LARP1B: variants seen among roughly 807,000 people sequenced by gnomAD.
LARP1B encodes la-related protein 1B.
A neutral mutation model predicts 114.2 loss-of-function variants in LARP1B; 76 were observed. The ratio of observed to expected loss-of-function variants is 0.67; its 90% CI spans 0.55 to 0.81. LARP1B has a LOEUF of 0.81. Ranked by LOEUF, LARP1B falls within the 30% of genes least tolerant of loss-of-function variation. The probability of loss-of-function intolerance (pLI) is 0.00; values close to 1 mark genes in which losing one functional copy is unlikely to be tolerated. For synonymous variants in LARP1B, 345 were observed against 348.0 expected (o/e 0.99, Z 0.10); for missense variants, 1,014 against 1,075.8 (o/e 0.94, Z 0.80).
chr4:128,157,940 T>G (rs190224895), intron 11 of LARP1B, among the ~76,000 whole-genome samples: 2 of 151,964 alleles, frequency 1.3e-5, no homozygotes, highest in Admixed American at 1.3e-4. Context: ...CAGGAAGAAA[T>G]GAAGAGCAAT....
chr4:128,090,363 G>A (rs898302331), intron 5 of LARP1B, among the ~76,000 whole-genome samples: 2 of 152,160 alleles, frequency 1.3e-5, no homozygotes, highest in Non-Finnish European at 2.9e-5. Flanking sequence ...CTGAGCCACC[G>A]CGCCCGGCCT....
chr4:128,072,030 C>T (rs189874519), intron 1 of LARP1B, among the ~76,000 whole-genome samples: 1,501 of 142,030 alleles, frequency 0.011, 22 homozygotes, highest in African/African-American at 0.036. Context: ...GATGGAGTCT[C>T]GCTCTGTTCC....
intron 12 of LARP1B, among the ~76,000 whole-genome samples, chr4:128,174,523 T>C (rs1745104674): frequency 6.6e-6 from 1 of 152,054 alleles, no homozygotes; most frequent in Admixed American, 6.6e-5. Context: ...AATTAATATA[T>C]CTACTCTTAT....
At chr4:128,078,692 C>T (rs1225143964) in intron 4 of LARP1B, among the ~76,000 whole-genome samples, 1 of 151,718 alleles carries the variant, frequency 6.6e-6, no homozygotes, top group African/African-American at 2.4e-5. Flanking sequence ...AAAATATTGT[C>T]TTCATATCCT....
At chr4:128,107,082 G>GTA in intron 8 of LARP1B, 57 bp from the exon 9 acceptor site, 1 of 1,435,294 alleles carries the variant, frequency 7.0e-7, no homozygotes. Context: ...GTTCTTAGAA[G>GTA]TATAGCACAG....
At chr4:128,138,655 C>T (rs963981716) in intron 11 of LARP1B, among the ~76,000 whole-genome samples, 2 of 151,970 alleles carry the variant, frequency 1.3e-5, no homozygotes, top group Admixed American at 6.6e-5. Flanking sequence ...CAGGCATTAC[C>T]TAGGTATAAA....
intron 12 of LARP1B, among the ~76,000 whole-genome samples, chr4:128,167,574 A>T (rs1419500360): frequency 6.6e-6 from 1 of 151,828 alleles, no homozygotes; most frequent in Non-Finnish European, 1.5e-5. Flanking sequence ...TTTTCATTTG[A>T]TGCCATGTTT....
intron 11 of LARP1B, among the ~76,000 whole-genome samples, chr4:128,144,057 T>C (rs988789731): frequency 2.6e-5 from 4 of 152,228 alleles, no homozygotes; most frequent in East Asian, 1.9e-4. Context: ...TTATAAATCA[T>C]AGGATGGTTA....
chr4:128,120,266 T>C (rs1465821950), intron 10 of LARP1B, among the ~76,000 whole-genome samples: 1 of 152,026 alleles, frequency 6.6e-6, no homozygotes, highest in African/African-American at 2.4e-5. Flanking sequence ...GGAGGAATTG[T>C]TTTTTTCCTA....
At chr4:128,168,895 A>G (rs538669580) in intron 12 of LARP1B, among the ~76,000 whole-genome samples, 5 of 151,774 alleles carry the variant, frequency 3.3e-5, no homozygotes, top group African/African-American at 1.2e-4. Context: ...ACAATTGTTT[A>G]TTTCTTACAC....
At chr4:128,062,005 GCCACCGCCA>G (rs1760306595) in intron 1 of LARP1B, 4 of 984,850 alleles carry the variant, frequency 4.1e-6, no homozygotes, top group African/African-American at 1.7e-5. Flanking sequence ...GCGGGGAGCC[GCCACCGCCA>G]CCGCCGCCGC....
chr4:128,137,807 G>T (rs1406680860), intron 11 of LARP1B, among the ~76,000 whole-genome samples: 1 of 147,460 alleles, frequency 6.8e-6, no homozygotes, highest in Non-Finnish European at 1.5e-5. Context: ...TTTTTAGGGG[G>T]GTTGGTGACA....
intron 12 of LARP1B, among the ~76,000 whole-genome samples, chr4:128,169,678 C>T (rs1039700523): frequency 4.0e-5 from 6 of 151,878 alleles, no homozygotes; most frequent in Non-Finnish European, 5.9e-5. Context: ...GCCCTGTCGC[C>T]CAGGCTGGAG....
chr4:128,209,492 AAAAAC>A (rs889683854), intron 19 of LARP1B, among the ~76,000 whole-genome samples: 2 of 152,206 alleles, frequency 1.3e-5, no homozygotes, highest in African/African-American at 4.8e-5. Flanking sequence ...CTCAAAAACA[AAAAAC>A]AAAAACCACA....
At chr4:128,186,885 GGGGCC>G (rs1561526823) in intron 15 of LARP1B, among the ~76,000 whole-genome samples, 29 of 152,290 alleles carry the variant, frequency 1.9e-4, no homozygotes, top group African/African-American at 7.0e-4. Flanking sequence ...ATGGCTAAAA[GGGGCC>G]CAGATACAGC....
At chr4:128,147,338 C>T (rs544444964) in intron 11 of LARP1B, among the ~76,000 whole-genome samples, 7 of 152,212 alleles carry the variant, frequency 4.6e-5, no homozygotes, top group Middle Eastern at 3.4e-3. Flanking sequence ...GCTAAGACAG[C>T]GATTGAAAAA....
intron 14 of LARP1B, among the ~76,000 whole-genome samples, chr4:128,178,956 G>A (rs1747395166): frequency 6.6e-6 from 1 of 152,082 alleles, no homozygotes; most frequent in Non-Finnish European, 1.5e-5. Context: ...GATGGGCGTG[G>A]TGGCGTGTGC....
chr4:128,104,183 A>T (rs1781295431), intron 8 of LARP1B, among the ~76,000 whole-genome samples: 1 of 151,980 alleles, frequency 6.6e-6, no homozygotes, highest in African/African-American at 2.4e-5. Context: ...TGCCATCCAG[A>T]TTAAGATACA....
At position 128,077,888 on chromosome 4, in the gene LARP1B, G is replaced by A. The variant is rs753988895; in HGVS notation, c.143G>A (p.Arg48Gln). 18 of 1,613,410 alleles carry A rather than the reference G, an allele frequency of 1.1e-5. No individual in the cohort carries two copies. The highest frequency in any genetic ancestry group is 1.1e-4 in the South Asian group (10 of 90,924). The change falls in exon 4 of 20, where the codon CGG becomes CAG. Residue 48 changes from arginine (R) to glutamine (Q), a missense_variant. Physicochemically the swap from Arg to Gln is conservative, Grantham distance 43 (BLOSUM62 1). Transcript: ENST00000326639. ...AGTAACAGTGACAGCAAAGAAAACC[G>A]GGAAACAAAATTAAATGGTCCTGGT... ...KRSNSDSKEN[R>Q]ETKLNGPGEN...
Sources: gnomAD v4.1 joint callset for allele counts (sites outside exome capture counted in the v4.1 genomes callset) on GRCh38, gnomAD v4.1.1 for gene constraint, MANE v1.5 for transcripts, NCBI Gene and HGNC (gene_info 2026-07-23, HGNC 2026-07-21) for gene names.